The following GCNT2 variants were observed in gnomAD, a reference collection of about 807,000 sequenced individuals.
GCNT2 encodes the protein N-acetyllactosaminide beta-1,6-N-acetylglucosaminyl-transferase.
GCNT2 carries 34 observed loss-of-function variants against 34.2 expected under a neutral mutation model. That is an observed-to-expected ratio of 1.00 (90% CI 0.76 to 1.32). The LOEUF is 1.32. Ranked by LOEUF, GCNT2 falls within the 40% of genes most tolerant of loss-of-function variation. The probability of loss-of-function intolerance (pLI) is 0.00; values close to 1 mark genes in which losing one functional copy is unlikely to be tolerated. For missense variants in GCNT2, 584 were observed against 489.4 expected (o/e 1.19, Z -1.82); for synonymous variants, 212 against 188.0 (o/e 1.13, Z -1.04).
At position 10,523,460 on chromosome 6, in the gene GCNT2, T is replaced by G. The variant is rs528286098; in HGVS notation, c.-469+2043T>G. Reference sequence around the variant, plus strand: ...AAAAAAAAAAAAAAGACCAGCTTTCTCTTATAGTTTCCTATTACTTTTTTT... The same window carrying G: ...AAAAAAAAAAAAAAGACCAGCTTTCGCTTATAGTTTCCTATTACTTTTTTT... On this transcript the variant is annotated intron_variant, in intron 1 of 4. Coordinates refer to ENST00000495262, the MANE Select transcript of GCNT2 (RefSeq NM_145649.5). Among the ~76,000 whole-genome samples the G allele has an allele frequency of 5.7e-4, 87 of 151,686 alleles. 3 individuals carry two copies. The South Asian group carries it at 0.017, about 30-fold the overall frequency.
At chr6:10,526,315 C>T (rs1458549516) in intron 1 of GCNT2, among the ~76,000 whole-genome samples, 5 of 152,142 alleles carry the variant, frequency 3.3e-5, no homozygotes, top group African/African-American at 1.2e-4. Context: ...AACTGACTCA[C>T]TGTGTTCTAG....
intron 3 of GCNT2, among the ~76,000 whole-genome samples, chr6:10,535,505 T>C (rs1581370706): frequency 6.6e-6 from 1 of 152,328 alleles, no homozygotes; most frequent in East Asian, 1.9e-4. Context: ...AAGATGCAAG[T>C]TCATCCACCT....
At chr6:10,597,904 G>A (rs562493650) in intron 3 of GCNT2, among the ~76,000 whole-genome samples, 15 of 152,226 alleles carry the variant, frequency 9.9e-5, no homozygotes, top group African/African-American at 7.2e-5. Context: ...TGAGCCATGC[G>A]TGAATGTTTA....
At chr6:10,523,431 G>GAAA (rs34628756) in intron 1 of GCNT2, among the ~76,000 whole-genome samples, 1 of 122,472 alleles carries the variant, frequency 8.2e-6, no homozygotes, top group African/African-American at 3.1e-5. Flanking sequence ...CGTCTCAAAA[G>GAAA]AAAAAAAAAA....
intron 3 of GCNT2, among the ~76,000 whole-genome samples, chr6:10,589,086 AGTGTGGTGTGTGTGTAGTGTGT>A (rs953883622): frequency 1.9e-4 from 15 of 78,558 alleles, no homozygotes; most frequent in East Asian, 1.2e-3. Flanking sequence ...GCGTGTTTGT[AGTGTGGTGTGTGTGTAGTGTGT>A]GTGTGGTGTG....
intron 3 of GCNT2, among the ~76,000 whole-genome samples, chr6:10,576,783 C>T (rs1280999014): frequency 6.6e-6 from 1 of 152,062 alleles, no homozygotes; most frequent in Non-Finnish European, 1.5e-5. Flanking sequence ...AGCTCAGAAG[C>T]ACTCAAGAAG....
intron 2 of GCNT2, chr6:10,528,278 A>G (rs1214286919): frequency 6.4e-6 from 1 of 157,148 alleles, no homozygotes; most frequent in East Asian, 1.9e-4. Flanking sequence ...TACCCAGCCA[A>G]TGGGGAGAGC....
At chr6:10,536,395 G>T (rs1761753904) in intron 3 of GCNT2, among the ~76,000 whole-genome samples, 1 of 149,296 alleles carries the variant, frequency 6.7e-6, no homozygotes, top group African/African-American at 2.5e-5. Context: ...TTGCTCTGTT[G>T]CCCAGGCTGG....
At position 10,528,761 on chromosome 6, in the gene GCNT2, G is replaced by C; in HGVS notation, c.-151G>C. 1 of 705,224 alleles carries C rather than the reference G, an allele frequency of 1.4e-6. No homozygotes were observed. The highest frequency in any genetic ancestry group is 2.5e-6 in the Non-Finnish European group (1 of 394,180). 43.7% of individuals were successfully genotyped at this position (705,224 alleles called of 1,614,324 possible). A position where few individuals can be genotyped will look rare whatever the true frequency, so the allele number is the denominator to read the frequency against. ...GGGGAAGAAGAAAGAAAAAGGACCA[G>C]AACCGTGAACTGAAGGGACAGGGAA... On this transcript the variant is annotated 5_prime_UTR_variant, in exon 3 of 5. Transcript: ENST00000495262.
chr6:10,556,250 G>A (rs938474699), intron 3 of GCNT2: 2 of 1,467,390 alleles, frequency 1.4e-6, no homozygotes, highest in Admixed American at 2.5e-5. Flanking sequence ...ATCGGCACAG[G>A]GACAGAGACA....
chr6:10,540,077 C>G (rs1253899010), intron 3 of GCNT2, among the ~76,000 whole-genome samples: 2 of 140,374 alleles, frequency 1.4e-5, no homozygotes, highest in Admixed American at 1.4e-4. Context: ...GACCCCATCT[C>G]AAAAAAAAAG....
At chr6:10,562,877 G>C (rs1050576420) in intron 3 of GCNT2, among the ~76,000 whole-genome samples, 1 of 152,054 alleles carries the variant, frequency 6.6e-6, no homozygotes, top group East Asian at 1.9e-4. Context: ...CCTACACTGG[G>C]TGGCAGGGTG....
At chr6:10,556,544 C>T in intron 3 of GCNT2, 1 of 1,614,008 alleles carries the variant, frequency 6.2e-7, no homozygotes, top group Non-Finnish European at 8.5e-7. Flanking sequence ...TATCTCAGAC[C>T]CTTTGAGGCT....
intron 3 of GCNT2, among the ~76,000 whole-genome samples, chr6:10,572,389 T>C (rs1418865771): frequency 6.6e-6 from 1 of 152,182 alleles, no homozygotes; most frequent in Non-Finnish European, 1.5e-5. Flanking sequence ...TTCCCATTGT[T>C]TTTGAGGAGA....
At chr6:10,598,698 G>T (rs953541692) in intron 3 of GCNT2, among the ~76,000 whole-genome samples, 1 of 152,120 alleles carries the variant, frequency 6.6e-6, no homozygotes, top group Non-Finnish European at 1.5e-5. Context: ...GTATTTTCTC[G>T]ATGTGCCCAG....
At chr6:10,586,499 C>T (rs1162109965) in intron 3 of GCNT2, 2 of 1,614,048 alleles carry the variant, frequency 1.2e-6, no homozygotes, top group African/African-American at 2.7e-5. Flanking sequence ...TCCAGGCTGA[C>T]CTGAACTGTC....
intron 3 of GCNT2, among the ~76,000 whole-genome samples, chr6:10,547,627 G>A (rs902344489): frequency 6.6e-6 from 1 of 152,210 alleles, no homozygotes; most frequent in Non-Finnish European, 1.5e-5. Context: ...AAGCTAGGAA[G>A]TGTTTTTATT....
intron 3 of GCNT2, among the ~76,000 whole-genome samples, chr6:10,566,462 T>C (rs887162805): frequency 2.0e-5 from 3 of 152,094 alleles, no homozygotes; most frequent in Non-Finnish European, 4.4e-5. Context: ...CCCAGCTAAT[T>C]TTTAAAATCT....
At chr6:10,596,916 T>TAAC (rs1353213889) in intron 3 of GCNT2, among the ~76,000 whole-genome samples, 1 of 152,196 alleles carries the variant, frequency 6.6e-6, no homozygotes, top group Non-Finnish European at 1.5e-5. Context: ...GCCTCAGTTA[T>TAAC]TAAGTTATTA....
Sources: allele counts gnomAD v4.1 joint callset (sites outside exome capture counted in the v4.1 genomes callset), GRCh38; gene constraint gnomAD v4.1.1; transcripts MANE v1.5; gene names NCBI Gene and HGNC (gene_info 2026-07-23, HGNC 2026-07-21).